Variants in GNL3 observed in about 807,000 individuals in gnomAD.
The protein encoded by GNL3 is G protein nucleolar 3, also known as guanine nucleotide-binding protein-like 3.
A neutral mutation model predicts 70.6 loss-of-function variants in GNL3; 77 were observed. The observed-to-expected ratio is 1.09, with a 90% confidence interval of 0.91 to 1.32. The LOEUF (loss-of-function observed/expected upper bound fraction) is 1.32. Among genes scored for constraint, GNL3 ranks in the 40% most tolerant of loss-of-function variants. The pLI is 0.00. For synonymous variants in GNL3, 252 were observed against 216.1 expected (o/e 1.17, Z -1.46); for missense variants, 634 against 644.0 (o/e 0.98, Z 0.17).
At chr3:52,688,312 G>C in intron 5 of GNL3, 120 bp downstream of exon 5, 1 of 640,580 alleles carries the variant, frequency 1.6e-6, no homozygotes, top group East Asian at 2.7e-5. Context: ...GGGTAAACTT[G>C]CGTCATAGGG....
intron 6 of GNL3, 177 bp downstream of exon 6, chr3:52,689,383 C>G: frequency 1.4e-6 from 1 of 730,286 alleles, no homozygotes; most frequent in East Asian, 2.6e-5. Context: ...ACAACTGACT[C>G]AACTGGTTTC....
chr3:52,687,806 T>G, intron 4 of GNL3, 191 bp downstream of exon 4: 1 of 598,494 alleles, frequency 1.7e-6, no homozygotes, highest in Non-Finnish European at 3.0e-6. Context: ...TAATTTTTTT[T>G]AGCAGACACG....
intron 1 of GNL3, chr3:52,686,401 C>T (rs1464261703): frequency 5.2e-6 from 3 of 579,856 alleles, no homozygotes; most frequent in South Asian, 2.1e-5. Context: ...ATTTTCTTTC[C>T]GTGGCCACGT....
At position 52,694,233 on chromosome 3, in the gene GNL3, T is replaced by C. The variant is rs781393551; in HGVS notation, c.1608T>C (p.Ile536=). ...GGTCTTTTATCTTGGATAAAATCAT[T>C]GAAGAGGATGATGCTTATGACTTCA... ...STRSFILDKI[I]EEDDAYDFST... Residue 536 remains isoleucine (I), a synonymous_variant, in exon 15 of 15, where the codon ATT becomes ATC. Transcript: ENST00000418458. The C allele has an allele frequency of 4.4e-6, 7 of 1,592,022 alleles. No individual in the cohort carries two copies. In the Admixed American group the frequency reaches 5.0e-5, roughly 11 times the overall value.
At position 52,687,251 on chromosome 3, in the gene GNL3, A is replaced by G. The variant is rs2097318604; in HGVS notation, c.78A>G (p.Arg26=). ...HKRYKIQKKV[R]EHHRKLRKEA... ...AAATCTCTTTATTTTAATAGGTTCG[A>G]GAACATCATCGAAAATTAAGAAAGG... Residue 26 remains arginine, a synonymous_variant, in exon 3 of 15, where the codon CGA becomes CGG. Coordinates refer to ENST00000418458, the MANE Select transcript of GNL3 (RefSeq NM_014366.5). The G allele has an allele frequency of 6.2e-7, 1 of 1,611,860 alleles. No individual in the cohort carries two copies. The highest frequency in any genetic ancestry group is 8.5e-7 in the Non-Finnish European group (1 of 1,178,266).
chr3:52,686,178 T>C, intron 1 of GNL3, 73 bp downstream of exon 1: 5 of 1,528,204 alleles, frequency 3.3e-6, no homozygotes, highest in Non-Finnish European at 3.6e-6. Flanking sequence ...GACGCTCTTC[T>C]ACGGCTACGG....
chr3:52,690,111 T>C lies in GNL3; in HGVS notation c.542-481T>C, dbSNP rs370274946. Reference sequence around the variant, plus strand: ...GTGCAGATGCTGAGCTCTGTTAAGATACGGGCAGTATGGTAGGGGAGCTTA... The same window carrying C: ...GTGCAGATGCTGAGCTCTGTTAAGACACGGGCAGTATGGTAGGGGAGCTTA... On this transcript the variant is annotated intron_variant, in intron 6 of 14. Transcript: ENST00000418458. 1.8e-4 allele frequency among the ~76,000 whole-genome samples: 27 copies of C among 152,322 alleles called. No homozygotes were observed. The South Asian group carries it at 5.6e-3, about 32-fold the overall frequency.
Position 52,687,559 on chromosome 3 carries a change from A to G in GNL3, c.268A>G (p.Arg90Gly). 1 of 1,613,740 alleles carries G rather than the reference A, an allele frequency of 6.2e-7. No homozygotes were observed. Among genetic ancestry groups the G allele is most frequent in the Non-Finnish European group, 8.5e-7 (1 of 1,179,566 alleles). The change falls in exon 4 of 15, where the codon AGA becomes GGA. Residue 90 changes from arginine (R) to glycine (G), a missense_variant. Coordinates refer to ENST00000418458, the MANE Select transcript of GNL3 (RefSeq NM_014366.5). Reference protein sequence around the residue: ...LDRQKELEKKRKLETNPDIKP... With the variant: ...LDRQKELEKKGKLETNPDIKP... ...CAGGCAGAAGGAACTAGAAAAGAAA[A>G]GAAAACTTGAAACTAATCCTGATAT...
chr3:52,686,889 CT>C, intron 2 of GNL3, 62 bp downstream of exon 2: 1 of 1,263,734 alleles, frequency 7.9e-7, no homozygotes, highest in Non-Finnish European at 1.2e-6. Context: ...TGCCCTGTTC[CT>C]TTGCGGGAAA....
At position 52,693,414 on chromosome 3, in the gene GNL3, A is replaced by G; in HGVS notation, c.1194A>G (p.Ser398=). The G allele has an allele frequency of 6.2e-7, 1 of 1,614,144 alleles. No individual in the cohort carries two copies. Among genetic ancestry groups the G allele is most frequent in the South Asian group, 1.1e-5 (1 of 91,082 alleles). Residue 398 remains serine (S), a synonymous_variant, in exon 12 of 15, where the codon TCA becomes TCG. Coordinates refer to ENST00000418458, the MANE Select transcript of GNL3 (RefSeq NM_014366.5). ...ATCTTATTTTTAATATCAGTGCCTC[A>G]TTAGCTTACTATTGCCATCCCCCTA... is the stretch of plus-strand genomic sequence containing the variant. ...KLLWSEWTGA[S]LAYYCHPPTS...
In GNL3 at chr3:52,693,468, T is replaced by G; in HGVS notation, c.1248T>G (p.Asn416Lys). The change falls in exon 12 of 15, where the codon AAT (asparagine) becomes AAG (lysine). Residue 416 changes from asparagine (N) to lysine (K), a missense_variant. By Grantham distance (94) the Asn-to-Lys change is moderately conservative (BLOSUM62 0). Coordinates refer to ENST00000418458, the MANE Select transcript of GNL3 (RefSeq NM_014366.5). ...PTSWTPPPYF[N>K]ESIVVDMKSG... ...CTTGGACTCCTCCTCCATATTTTAA[T>G]GAGAGTATTGTGGTAGACATGAAAA... 1 of 1,614,036 alleles carries G rather than the reference T, an allele frequency of 6.2e-7. No individual in the cohort carries two copies. Among genetic ancestry groups the G allele is most frequent in the Non-Finnish European group, 8.5e-7 (1 of 1,179,884 alleles).
chr3:52,691,424 C>T, intron 8 of GNL3, 118 bp from the exon 9 acceptor site: 2 of 702,250 alleles, frequency 2.8e-6, no homozygotes, highest in Non-Finnish European at 5.1e-6. Flanking sequence ...AGTGAAGACA[C>T]TGAGATCCAA....
At chr3:52,686,544 C>T (rs2097313151) in intron 1 of GNL3, 1 of 590,128 alleles carries the variant, frequency 1.7e-6, no homozygotes, top group Non-Finnish European at 3.0e-6. Flanking sequence ...TGATCCCATT[C>T]TAATATTGTG....
intron 9 of GNL3, 37 bp downstream of exon 9, chr3:52,691,666 A>T: frequency 2.8e-6 from 3 of 1,081,606 alleles, no homozygotes; most frequent in East Asian, 2.4e-5. Context: ...TATTATAGTG[A>T]CACACTATTT....
At chr3:52,688,279 G>T in intron 5 of GNL3, 87 bp downstream of exon 5, 5 of 780,148 alleles carry the variant, frequency 6.4e-6, no homozygotes. Flanking sequence ...AAGATGAAGG[G>T]TGCATGTGCA....
intron 5 of GNL3, 143 bp from the exon 6 acceptor site, chr3:52,688,931 A>C: frequency 1.5e-6 from 1 of 683,668 alleles, no homozygotes; most frequent in Non-Finnish European, 2.6e-6. Flanking sequence ...CAAAGTGAAG[A>C]CATGAGATCC....
Position 52,687,313 on chromosome 3 carries a change from A to G in GNL3, c.140A>G (p.Asp47Gly). The G allele has an allele frequency of 6.2e-7, 1 of 1,612,324 alleles. No individual in the cohort carries two copies. Reference protein sequence around the residue: ...KKRGHKKPRKDPGVPNSAPFK... With the variant: ...KKRGHKKPRKGPGVPNSAPFK... ...CGGGGTCACAAGAAGCCTAGGAAAG[A>G]CCCAGGAGTTCCAAACAGTGCTCCC... is the stretch of plus-strand genomic sequence containing the variant. The change falls in exon 3 of 15, where the codon GAC becomes GGC. Residue 47 changes from aspartate to glycine, a missense_variant. By Grantham distance (94) the Asp-to-Gly change is moderately conservative. Coordinates refer to ENST00000418458, the MANE Select transcript of GNL3 (RefSeq NM_014366.5).
intron 4 of GNL3, 135 bp downstream of exon 4, chr3:52,687,750 A>T (rs2097323048): frequency 1.6e-6 from 1 of 625,748 alleles, no homozygotes; most frequent in Non-Finnish European, 2.9e-6. Context: ...TTACCACCTC[A>T]GTCTCCAAGT....
At position 52,688,196 on chromosome 3, in the gene GNL3, T is replaced by C; in HGVS notation, c.408+4T>C. On this transcript the variant is annotated splice_donor_region_variant and intron_variant, in intron 5 of 14. Transcript: ENST00000418458. ...GTACTGCCAAGAACTTAAAAAGGTA[T>C]CTTAGCCTAGGTCAGTGTCTGACAG... is the stretch of plus-strand genomic sequence containing the variant. 1 of 1,548,974 alleles carries C rather than the reference T, an allele frequency of 6.5e-7. No homozygotes were observed. The highest frequency in any genetic ancestry group is 8.9e-7 in the Non-Finnish European group (1 of 1,120,716).
Sources: gnomAD v4.1 joint callset for allele counts (sites outside exome capture counted in the v4.1 genomes callset) on GRCh38, gnomAD v4.1.1 for gene constraint, MANE v1.5 for transcripts, NCBI Gene and HGNC (gene_info 2026-07-23, HGNC 2026-07-21) for gene names.